PLAA: variants seen among roughly 807,000 people sequenced by gnomAD.
The protein encoded by PLAA is phospholipase A-2-activating protein.
PLAA carries 48 observed loss-of-function variants against 84.1 expected under a neutral mutation model. The observed-to-expected ratio is 0.57, with a 90% CI of 0.45 to 0.73. PLAA has a LOEUF of 0.73. PLAA is among the 30% of genes least tolerant of loss of function. PLAA has a pLI of 0.00. For synonymous variants in PLAA, 392 were observed against 336.6 expected, an observed-to-expected ratio of 1.16 and a Z score of -1.80; for missense variants, 903 against 954.7, an observed-to-expected ratio of 0.95 and a Z score of 0.71.
rs1825739913 is a variant in PLAA, at chr9:26,946,814, GGACT to G, written c.149+79_149+82del. 16 of 1,428,410 alleles carry G rather than the reference GGACT, an allele frequency of 1.1e-5. No homozygotes were observed. In the South Asian group the frequency reaches 2.2e-4, roughly 20 times the overall value. The allele number at this position is 1,428,410 out of a possible 1,614,324, so 88.5% of individuals were successfully genotyped here. ...AGGCTGGGGGGAGAGAGAGACGGCA[GGACT>G]GACAGGGAAGGGTCACTCTCCTTCC... On this transcript the variant is annotated intron_variant, in intron 1 of 13. Transcript: ENST00000397292.
intron 11 of PLAA, among the ~76,000 whole-genome samples, chr9:26,911,653 T>C (rs1587151591): frequency 6.6e-6 from 1 of 152,334 alleles, no homozygotes; most frequent in African/African-American, 2.4e-5. Flanking sequence ...AAACTCAGTA[T>C]CTGATCATGA....
Position 26,933,757 on chromosome 9 carries a change from C to T in PLAA, c.343+1256G>A, listed in dbSNP as rs541163630. ...TGAGCCGAGATCACGCCACTGCATT[C>T]CAGCCTGGGCGACAGAGCGAGACTC... is the stretch of plus-strand genomic sequence containing the variant. On this transcript the variant is annotated intron_variant, in intron 2 of 13. Coordinates refer to ENST00000397292, the MANE Select transcript of PLAA (RefSeq NM_001031689.3). 1.8e-4 allele frequency among the ~76,000 whole-genome samples: 26 copies of T among 147,552 alleles called. No individual in the cohort carries two copies. In the South Asian group the frequency reaches 5.5e-3, roughly 31 times the overall value.
chr9:26,909,404 G>A (rs1824330666), intron 12 of PLAA, among the ~76,000 whole-genome samples: 1 of 152,058 alleles, frequency 6.6e-6, no homozygotes, highest in African/African-American at 2.4e-5. Flanking sequence ...ATTAATGAGT[G>A]ATTTTTATAA....
intron 3 of PLAA, 43 bp from the exon 4 acceptor site, chr9:26,928,263 T>C: frequency 6.2e-7 from 1 of 1,613,998 alleles, no homozygotes; most frequent in South Asian, 1.1e-5. Flanking sequence ...CACAGAATCA[T>C]TCAACTTAAT....
chr9:26,939,691 G>A (rs569982257), intron 1 of PLAA, among the ~76,000 whole-genome samples: 1 of 152,098 alleles, frequency 6.6e-6, no homozygotes, highest in Non-Finnish European at 1.5e-5. Context: ...TATACTGAAA[G>A]TGATAGGATG....
At chr9:26,933,270 A>ATAAATT in intron 2 of PLAA, among the ~76,000 whole-genome samples, 2 of 151,072 alleles carry the variant, frequency 1.3e-5, no homozygotes, top group South Asian at 4.2e-4. Flanking sequence ...CTGTCTAAAA[A>ATAAATT]AAAAAAAACC....
At chr9:26,928,922 G>A (rs1317569141) in intron 2 of PLAA, among the ~76,000 whole-genome samples, 1 of 152,210 alleles carries the variant, frequency 6.6e-6, no homozygotes, top group Admixed American at 6.5e-5. Flanking sequence ...ATTATGCCAG[G>A]CACAGTGGCT....
chr9:26,930,134 T>C (rs987221471), intron 2 of PLAA, among the ~76,000 whole-genome samples: 2 of 150,714 alleles, frequency 1.3e-5, no homozygotes, highest in Non-Finnish European at 3.0e-5. Flanking sequence ...AGACAGAGTC[T>C]CGCTCTGTCG....
intron 7 of PLAA, 122 bp downstream of exon 7, chr9:26,923,056 A>T: frequency 2.9e-6 from 2 of 688,430 alleles, no homozygotes; most frequent in Non-Finnish European, 4.9e-6. Flanking sequence ...TAATAGTAAA[A>T]ATCCTCAAAA....
chr9:26,911,386 C>T (rs917345547), intron 11 of PLAA, among the ~76,000 whole-genome samples: 1 of 152,036 alleles, frequency 6.6e-6, no homozygotes. Context: ...CTCCTGACCT[C>T]GTCATCCACC....
intron 1 of PLAA, 58 bp from the exon 2 acceptor site, chr9:26,935,264 TAAACTGTCAAAGCACTC>T: frequency 3.5e-6 from 4 of 1,128,518 alleles, no homozygotes. Flanking sequence ...GCCTAGGACA[TAAACTGTCAAAGCACTC>T]ATTTTCATTT....
intron 2 of PLAA, among the ~76,000 whole-genome samples, chr9:26,932,841 C>A (rs553227056): frequency 3.9e-5 from 6 of 152,144 alleles, no homozygotes; most frequent in South Asian, 2.1e-4. Flanking sequence ...TTAAAAAATT[C>A]TTTCTGTTTT....
chr9:26,944,070 GA>G (rs1437117890), intron 1 of PLAA, among the ~76,000 whole-genome samples: 1 of 152,188 alleles, frequency 6.6e-6, no homozygotes, highest in African/African-American at 2.4e-5. Context: ...TTTAAGAGGT[GA>G]TTAGATCAAG....
At chr9:26,930,845 A>G (rs1825160787) in intron 2 of PLAA, among the ~76,000 whole-genome samples, 1 of 151,910 alleles carries the variant, frequency 6.6e-6, no homozygotes, top group South Asian at 2.1e-4. Context: ...GGCCTCCCAA[A>G]GTGCTGGGAT....
intron 1 of PLAA, 106 bp downstream of exon 1, chr9:26,946,791 G>C (rs369862531): frequency 1.6e-6 from 2 of 1,285,282 alleles, no homozygotes; most frequent in Non-Finnish European, 2.1e-6. Context: ...CAGAGGGAAG[G>C]CTGGGGGGAG....
At position 26,919,160 on chromosome 9, in the gene PLAA, T is replaced by C. The variant is rs981618821; in HGVS notation, c.1417+150A>G. 3 of 477,462 alleles carry C rather than the reference T, an allele frequency of 6.3e-6. No individual in the cohort carries two copies. In the Admixed American group the frequency reaches 1.1e-4, roughly 17 times the overall value. 29.6% of individuals were successfully genotyped at this position (477,462 alleles called of 1,614,324 possible). Reference sequence around the variant, plus strand: ...GTAAAATACAGAATTACTTCATCATTTGAGGCTTAAACATATGAATGTGAA... The same window carrying C: ...GTAAAATACAGAATTACTTCATCATCTGAGGCTTAAACATATGAATGTGAA... On this transcript the variant is annotated intron_variant, in intron 9 of 13. Coordinates refer to ENST00000397292, the MANE Select transcript of PLAA (RefSeq NM_001031689.3).
chr9:26,918,722 C>G (rs1319615641), intron 9 of PLAA, among the ~76,000 whole-genome samples: 1 of 152,188 alleles, frequency 6.6e-6, no homozygotes, highest in African/African-American at 2.4e-5. Context: ...TCCTCCTACA[C>G]CAGTCTCCAG....
chr9:26,929,730 T>A (rs2131400572), intron 2 of PLAA, among the ~76,000 whole-genome samples: 1 of 152,322 alleles, frequency 6.6e-6, no homozygotes, highest in East Asian at 1.9e-4. Context: ...GATTATCCTA[T>A]TCCTTTTCCA....
At chr9:26,919,559 T>C (rs761427082) in intron 8 of PLAA, 30 bp from the exon 9 acceptor site, 14 of 1,178,930 alleles carry the variant, frequency 1.2e-5, no homozygotes, top group Non-Finnish European at 1.6e-5. Context: ...AGGAGATACA[T>C]GCTTATTATC....
Sources: allele counts gnomAD v4.1 joint callset (sites outside exome capture counted in the v4.1 genomes callset), GRCh38; gene constraint gnomAD v4.1.1; transcripts MANE v1.5; gene names NCBI Gene and HGNC (gene_info 2026-07-23, HGNC 2026-07-21).